DCP2: variants seen among roughly 807,000 people sequenced by gnomAD.
DCP2 encodes m7GpppN-mRNA hydrolase.
In DCP2, 30 loss-of-function variants were observed where a neutral mutation model predicts 56.1. The ratio of observed to expected loss-of-function variants is 0.53; its 90% CI spans 0.40 to 0.73. The LOEUF (loss-of-function observed/expected upper bound fraction) is 0.73. Among genes scored for constraint, DCP2 ranks in the 30% least tolerant of loss-of-function variants. The pLI is 0.00. For synonymous variants in DCP2, 197 were observed against 163.3 expected (o/e 1.21, Z -1.57); for missense variants, 533 against 502.7 (o/e 1.06, Z -0.58).
At chr5:112,981,269 C>T (rs1280180260) in intron 1 of DCP2, among the ~76,000 whole-genome samples, 1 of 152,036 alleles carries the variant, frequency 6.6e-6, no homozygotes, top group Non-Finnish European at 1.5e-5. Flanking sequence ...CTCAACCTCC[C>T]AAAGTGTTGA....
At chr5:112,985,018 A>T (rs1486317216) in intron 1 of DCP2, among the ~76,000 whole-genome samples, 1 of 152,022 alleles carries the variant, frequency 6.6e-6, no homozygotes, top group African/African-American at 2.4e-5. Flanking sequence ...TTTTAATTTT[A>T]AAAAATGACT....
chr5:112,985,446 G>C (rs1330045677), intron 1 of DCP2, among the ~76,000 whole-genome samples: 1 of 152,174 alleles, frequency 6.6e-6, no homozygotes, highest in Non-Finnish European at 1.5e-5. Flanking sequence ...GTAATATTTT[G>C]TATGTGAAGA....
At chr5:113,000,933 C>T in intron 4 of DCP2, 151 bp from the exon 5 acceptor site, 4 of 789,422 alleles carry the variant, frequency 5.1e-6, no homozygotes, top group East Asian at 5.5e-5. Flanking sequence ...TTTTACATCT[C>T]ATATGCATTT....
At chr5:112,992,064 A>C (rs959435832) in intron 2 of DCP2, 57 bp from the exon 3 acceptor site, 9 of 1,587,056 alleles carry the variant, frequency 5.7e-6, no homozygotes, top group Middle Eastern at 1.7e-4. Flanking sequence ...CTCTTTCTGT[A>C]TATAATTTCT....
At chr5:113,009,124 C>A (rs1406336904) in intron 9 of DCP2, among the ~76,000 whole-genome samples, 1 of 152,164 alleles carries the variant, frequency 6.6e-6, no homozygotes, top group African/African-American at 2.4e-5. Context: ...GGATTACAGG[C>A]GTGAGCCACC....
intron 7 of DCP2, among the ~76,000 whole-genome samples, chr5:113,002,422 CAAAAAAAAA>C (rs60697650): frequency 1.2e-5 from 1 of 81,358 alleles, no homozygotes; most frequent in Non-Finnish European, 2.7e-5. Flanking sequence ...GACTCGGTCT[CAAAAAAAAA>C]AAAAAAAATT....
intron 2 of DCP2, among the ~76,000 whole-genome samples, chr5:112,990,082 T>TA (rs1297699615): frequency 6.6e-6 from 1 of 152,190 alleles, no homozygotes; most frequent in African/African-American, 2.4e-5. Context: ...TTTGTACATG[T>TA]AAATCGTTTA....
rs906966406 is a variant in DCP2, at chr5:113,019,218, G to C, written c.*5734G>C. The C allele has an allele frequency of 6.6e-6, 1 of 152,156 alleles. No individual in the cohort carries two copies. The highest frequency in any genetic ancestry group is 1.5e-5 in the Non-Finnish European group (1 of 68,034). The allele number at this position is 152,156 out of a possible 1,614,324, so 9.4% of individuals were successfully genotyped here. ...AGGCATATCCTTTTGTGATACTTAG[G>C]AAAAGACTATGGATGGCAGCAAATG... On this transcript the variant is annotated 3_prime_UTR_variant, in exon 11 of 11. Coordinates refer to ENST00000389063, the MANE Select transcript of DCP2 (RefSeq NM_152624.6).
intron 2 of DCP2, among the ~76,000 whole-genome samples, chr5:112,987,268 A>G (rs1015842644): frequency 2.0e-5 from 3 of 152,166 alleles, no homozygotes; most frequent in African/African-American, 7.2e-5. Flanking sequence ...GAAGTGGGGA[A>G]TGTGTTTTAG....
chr5:112,997,705 C>T (rs1748930642), intron 4 of DCP2, among the ~76,000 whole-genome samples: 1 of 151,744 alleles, frequency 6.6e-6, no homozygotes, highest in Admixed American at 6.6e-5. Context: ...ACCTCCGCCT[C>T]CCGGGTTCAA....
chr5:112,999,815 C>A (rs1313759674), intron 4 of DCP2, among the ~76,000 whole-genome samples: 1 of 151,368 alleles, frequency 6.6e-6, no homozygotes, highest in Non-Finnish European at 1.5e-5. Flanking sequence ...AATCCTAGCA[C>A]TTTGGGAGGC....
In DCP2 at chr5:113,021,653, T is replaced by C. The variant is rs911157224; in HGVS notation, c.*8169T>C. Among the ~76,000 whole-genome samples the C allele has an allele frequency of 6.6e-6, 1 of 151,804 alleles. No individual in the cohort carries two copies. The highest frequency in any genetic ancestry group is 1.5e-5 in the Non-Finnish European group (1 of 68,024). On this transcript the variant is annotated 3_prime_UTR_variant, in exon 11 of 11. Coordinates refer to ENST00000389063, the MANE Select transcript of DCP2 (RefSeq NM_152624.6). ...GACCTCAGCTATATGATAGTAACTT[T>C]TATTTTAAATTCTCAAAAGGAGAGT...
intron 9 of DCP2, among the ~76,000 whole-genome samples, chr5:113,009,423 A>G (rs937436276): frequency 6.6e-6 from 1 of 152,250 alleles, no homozygotes; most frequent in Non-Finnish European, 1.5e-5. Flanking sequence ...CAAAGAATGT[A>G]AATTGAAATG....
rs1226984384 is a variant in DCP2, at chr5:113,019,406, C to T, written c.*5922C>T. 6.6e-6 allele frequency: 1 copy of T among 152,148 alleles called. No individual in the cohort carries two copies. The highest frequency in any genetic ancestry group is 1.5e-5 in the Non-Finnish European group (1 of 68,026). 9.4% of individuals were successfully genotyped at this position (152,148 alleles called of 1,614,324 possible). ...ACAGAAAAGCACAGAAGACATACTGCTAAGAGTTTCTTTGTGCATTTCACT... is the reference window on the plus strand; with the variant it reads ...ACAGAAAAGCACAGAAGACATACTGTTAAGAGTTTCTTTGTGCATTTCACT... On this transcript the variant is annotated 3_prime_UTR_variant, in exon 11 of 11. Transcript: ENST00000389063.
chr5:113,017,768 C>T lies in DCP2; in HGVS notation c.*4284C>T, dbSNP rs568379534. 1 of 152,172 alleles carries T rather than the reference C, an allele frequency of 6.6e-6. No individual in the cohort carries two copies. Among genetic ancestry groups the T allele is most frequent in the African/African-American group, 2.4e-5 (1 of 41,544 alleles). The allele number at this position is 152,172 out of a possible 1,614,324, so 9.4% of individuals were successfully genotyped here. On this transcript the variant is annotated 3_prime_UTR_variant, in exon 11 of 11. Coordinates refer to ENST00000389063, the MANE Select transcript of DCP2 (RefSeq NM_152624.6). ...AATACTTGAGTGCTTTATTATGTTC[C>T]AGGCTAGAAATGTGATCATTGCATG...
At chr5:112,998,783 A>T (rs1047809941) in intron 4 of DCP2, among the ~76,000 whole-genome samples, 2 of 152,266 alleles carry the variant, frequency 1.3e-5, no homozygotes, top group Admixed American at 6.5e-5. Flanking sequence ...ATTTAAGAGT[A>T]AATTGCAAAC....
chr5:112,997,983 CCTT>C (rs1176991521), intron 4 of DCP2, among the ~76,000 whole-genome samples: 3 of 152,124 alleles, frequency 2.0e-5, no homozygotes, highest in Non-Finnish European at 4.4e-5. Flanking sequence ...AGTTGATACT[CCTT>C]CTGCTAGGAG....
rs1749937931 is a variant in DCP2, at chr5:113,017,518, C to T, written c.*4034C>T. 6.6e-6 allele frequency: 1 copy of T among 152,070 alleles called. No homozygotes were observed. The highest frequency in any genetic ancestry group is 1.5e-5 in the Non-Finnish European group (1 of 68,012). The allele number at this position is 152,070 out of a possible 1,614,324, so 9.4% of individuals were successfully genotyped here. A position where few individuals can be genotyped will look rare whatever the true frequency, so the allele number is the denominator to read the frequency against. On this transcript the variant is annotated 3_prime_UTR_variant, in exon 11 of 11. Coordinates refer to ENST00000389063, the MANE Select transcript of DCP2 (RefSeq NM_152624.6). Reference sequence around the variant, plus strand: ...GGGCTTTCTCAGCATCTTTTTGCTTCCTAGAATTGAGTTGCTCTTGAAGTC... The same window carrying T: ...GGGCTTTCTCAGCATCTTTTTGCTTTCTAGAATTGAGTTGCTCTTGAAGTC...
chr5:112,998,008 A>G (rs938340268), intron 4 of DCP2, among the ~76,000 whole-genome samples: 3 of 152,254 alleles, frequency 2.0e-5, no homozygotes, highest in South Asian at 2.1e-4. Flanking sequence ...ATTAAACGCT[A>G]TATTATAATA....
Sources: allele counts gnomAD v4.1 joint callset (sites outside exome capture counted in the v4.1 genomes callset), GRCh38; gene constraint gnomAD v4.1.1; transcripts MANE v1.5; gene names NCBI Gene and HGNC (gene_info 2026-07-23, HGNC 2026-07-21).